FGF14: variants seen among roughly 807,000 people sequenced by gnomAD.
FGF14 encodes fibroblast growth factor homologous factor 4.
In FGF14, 5 loss-of-function variants were observed where a neutral mutation model predicts 25.5. That is an observed-to-expected ratio of 0.20 (90% confidence interval 0.10 to 0.41). The LOEUF is 0.41. Among genes scored for constraint, FGF14 ranks in the 10% least tolerant of loss-of-function variants. The probability of loss-of-function intolerance (pLI) is 1.00; values close to 1 mark genes in which losing one functional copy is unlikely to be tolerated. For missense variants in FGF14, 222 were observed against 320.1 expected (o/e 0.69, Z 2.34); for synonymous variants, 138 against 118.3 (o/e 1.17, Z -1.08).
At chr13:102,321,095 AT>A (rs780501775) in intron 1 of FGF14, among the ~76,000 whole-genome samples, 1 of 152,182 alleles carries the variant, frequency 6.6e-6, no homozygotes, top group Non-Finnish European at 1.5e-5. Context: ...AAGGGCACCA[AT>A]TTGCAAGTCA....
intron 1 of FGF14, among the ~76,000 whole-genome samples, chr13:102,309,838 A>G (rs1482353985): frequency 1.3e-5 from 2 of 152,104 alleles, no homozygotes; most frequent in African/African-American, 4.8e-5. Flanking sequence ...GACCTCTCTG[A>G]ATCTTCATCC....
chr13:102,009,431 G>C (rs1015505900), intron 1 of FGF14, among the ~76,000 whole-genome samples: 1 of 152,004 alleles, frequency 6.6e-6, no homozygotes, highest in Non-Finnish European at 1.5e-5. Flanking sequence ...ACGTGCATGA[G>C]TTTGTGGTTT....
At chr13:102,041,181 A>C (rs1488880916) in intron 1 of FGF14, among the ~76,000 whole-genome samples, 1 of 152,166 alleles carries the variant, frequency 6.6e-6, no homozygotes, top group African/African-American at 2.4e-5. Context: ...TTTTTTAAAA[A>C]TTTAATGCCC....
At chr13:102,158,539 G>C (rs899531135) in intron 1 of FGF14, among the ~76,000 whole-genome samples, 1 of 150,880 alleles carries the variant, frequency 6.6e-6, no homozygotes, top group Non-Finnish European at 1.5e-5. Flanking sequence ...GGTAGCGGGG[G>C]GGGGATACAT....
rs1395653385 is a variant in FGF14, at chr13:101,795,646, G to C, written c.409-68836C>G. Among the ~76,000 whole-genome samples, 3 of 152,124 alleles carry C rather than the reference G, an allele frequency of 2.0e-5. No homozygotes were observed. In the East Asian group the frequency reaches 5.8e-4, roughly 29 times the overall value. ...TAGCAATGGCAGCCTGGATAGCAGA[G>C]AAAAGCAGCACAAAGCAAAACGAGA... On this transcript the variant is annotated intron_variant, in intron 3 of 4. Transcript: ENST00000376143.
At chr13:102,064,094 G>A (rs774508590) in intron 1 of FGF14, among the ~76,000 whole-genome samples, 8 of 152,098 alleles carry the variant, frequency 5.3e-5, no homozygotes, top group East Asian at 1.9e-4. Flanking sequence ...CAGATTGGCC[G>A]AAGGATGTTG....
rs928425005 is a variant in FGF14, at chr13:102,223,191, G to A, written c.208+178280C>T. On this transcript the variant is annotated intron_variant, in intron 1 of 4. Coordinates refer to the FGF14 transcript ENST00000376131. ...CAAAATTTAGTATGAGTGGGGGCAA[G>A]GGTGTATGTAAGACCACTTTACTAA... Among the ~76,000 whole-genome samples the A allele has an allele frequency of 2.6e-5, 4 of 152,274 alleles. No individual in the cohort carries two copies. The South Asian group carries it at 8.3e-4, about 32-fold the overall frequency.
chr13:101,882,859 G>C (rs2045787104), intron 1 of FGF14, among the ~76,000 whole-genome samples: 1 of 152,138 alleles, frequency 6.6e-6, no homozygotes, highest in Non-Finnish European at 1.5e-5. Context: ...TCTGAGCTCT[G>C]TTCCCTTCTG....
intron 1 of FGF14, among the ~76,000 whole-genome samples, chr13:101,991,556 C>T (rs1305389714): frequency 6.6e-6 from 1 of 152,016 alleles, no homozygotes; most frequent in African/African-American, 2.4e-5. Flanking sequence ...AAGAAAAAGG[C>T]TGGATAAGCT....
At chr13:101,996,803 G>T (rs1035934830) in intron 1 of FGF14, among the ~76,000 whole-genome samples, 2 of 152,156 alleles carry the variant, frequency 1.3e-5, no homozygotes, top group South Asian at 4.1e-4. Context: ...AAGGAAGCTG[G>T]TTTACAAAAT....
intron 1 of FGF14, among the ~76,000 whole-genome samples, chr13:102,098,052 C>T (rs1318352579): frequency 6.6e-6 from 1 of 152,228 alleles, no homozygotes; most frequent in African/African-American, 2.4e-5. Flanking sequence ...GTGGCTTTCC[C>T]TCTTCAGGTG....
chr13:101,936,182 G>A (rs1345752926), intron 1 of FGF14, among the ~76,000 whole-genome samples: 2 of 152,116 alleles, frequency 1.3e-5, no homozygotes, highest in African/African-American at 2.4e-5. Flanking sequence ...GCTCCTGCAG[G>A]GTCATGCTGT....
intron 1 of FGF14, among the ~76,000 whole-genome samples, chr13:102,270,172 G>GA (rs1174827748): frequency 1.1e-4 from 16 of 148,800 alleles, no homozygotes; most frequent in Middle Eastern, 3.5e-3. Flanking sequence ...AACATTCAGG[G>GA]AAAAAAAAAT....
intron 1 of FGF14, among the ~76,000 whole-genome samples, chr13:102,096,056 G>A (rs4468458): frequency 0.39 from 57,553 of 149,390 alleles, 13,134 homozygotes; most frequent in Non-Finnish European, 0.51. Flanking sequence ...ACATTGTTTT[G>A]TATCTTATTC....
intron 1 of FGF14, among the ~76,000 whole-genome samples, chr13:102,007,268 T>G (rs2039855732): frequency 6.6e-6 from 1 of 152,214 alleles, no homozygotes; most frequent in Non-Finnish European, 1.5e-5. Flanking sequence ...ACCTCAGTTG[T>G]GATGATCTCC....
intron 3 of FGF14, among the ~76,000 whole-genome samples, chr13:101,805,737 C>T (rs912469500): frequency 6.6e-6 from 1 of 152,126 alleles, no homozygotes; most frequent in African/African-American, 2.4e-5. Context: ...TGACCACCCC[C>T]CTTCCCACAA....
At chr13:101,914,167 AAT>A (rs530698947) in intron 1 of FGF14, among the ~76,000 whole-genome samples, 96 of 151,634 alleles carry the variant, frequency 6.3e-4, no homozygotes, top group African/African-American at 2.3e-3. Context: ...TATGCTTGAA[AAT>A]ATGTTCGACA....
intron 3 of FGF14, among the ~76,000 whole-genome samples, chr13:101,746,238 C>A (rs1451636690): frequency 6.6e-6 from 1 of 151,892 alleles, no homozygotes; most frequent in Non-Finnish European, 1.5e-5. Flanking sequence ...CACTAATTCA[C>A]AACTATTCAG....
intron 1 of FGF14, among the ~76,000 whole-genome samples, chr13:102,093,355 T>C (rs1595248260): frequency 1.3e-5 from 2 of 152,286 alleles, no homozygotes; most frequent in South Asian, 4.1e-4. Context: ...ATCACTGCAG[T>C]TGAGAGAATT....
Sources: allele counts gnomAD v4.1 joint callset (sites outside exome capture counted in the v4.1 genomes callset), GRCh38; gene constraint gnomAD v4.1.1; transcripts MANE v1.5; gene names NCBI Gene and HGNC (gene_info 2026-07-23, HGNC 2026-07-21).